Variants in MRPL45 observed in about 807,000 individuals in gnomAD.
MRPL45 encodes the protein mitochondrial ribosomal protein L45.
In MRPL45, 20 loss-of-function variants were observed where a neutral mutation model predicts 38.1. The observed-to-expected ratio is 0.53, with a 90% CI of 0.37 to 0.76. MRPL45 has a LOEUF of 0.76. MRPL45 is among the 30% of genes least tolerant of loss of function. MRPL45 has a pLI of 0.00. For missense variants in MRPL45, 337 were observed against 395.6 expected, an observed-to-expected ratio of 0.85 and a Z score of 1.26; for synonymous variants, 105 against 128.8, an observed-to-expected ratio of 0.82 and a Z score of 1.25.
intron 3 of MRPL45, among the ~76,000 whole-genome samples, chr17:38,305,395 A>G (rs1411328836): frequency 1.4e-5 from 2 of 141,046 alleles, no homozygotes; most frequent in Admixed American, 7.0e-5. Context: ...TGAACCCAGG[A>G]GGCAGAGGTT....
intron 4 of MRPL45, among the ~76,000 whole-genome samples, chr17:38,309,623 A>T (rs1424021310): frequency 0.22 from 1,336 of 6,154 alleles, 17 homozygotes; most frequent in African/African-American, 0.28. Flanking sequence ...TTTTATTTTT[A>T]TTTTTTAGTT....
intron 4 of MRPL45, among the ~76,000 whole-genome samples, chr17:38,310,884 TTGG>T (rs1261308168): frequency 2.6e-5 from 4 of 152,208 alleles, no homozygotes; most frequent in Non-Finnish European, 5.9e-5. Context: ...TCCCAAAGTG[TTGG>T]TACAGTTTTC....
chr17:38,310,174 T>C (rs2037097203), intron 4 of MRPL45, among the ~76,000 whole-genome samples: 1 of 148,890 alleles, frequency 6.7e-6, no homozygotes. Flanking sequence ...GGTAAAATTC[T>C]CCATTCTGTC....
At chr17:38,315,227 G>A (rs2037162064) in intron 4 of MRPL45, among the ~76,000 whole-genome samples, 1 of 152,012 alleles carries the variant, frequency 6.6e-6, no homozygotes, top group South Asian at 2.1e-4. Context: ...ATTTTAGCCT[G>A]AAGGATCCCC....
chr17:38,304,935 C>T (rs1272960753), intron 3 of MRPL45, among the ~76,000 whole-genome samples: 3 of 151,318 alleles, frequency 2.0e-5, no homozygotes, highest in African/African-American at 7.3e-5. Flanking sequence ...CAACCTCTGC[C>T]TCCTGGGTTC....
At chr17:38,308,499 G>A (rs886532609) in intron 4 of MRPL45, among the ~76,000 whole-genome samples, 8 of 151,020 alleles carry the variant, frequency 5.3e-5, no homozygotes, top group Non-Finnish European at 1.0e-4. Flanking sequence ...GGAGTGCAGT[G>A]ACGTGATCTT....
At chr17:38,308,262 C>T (rs989656201) in intron 4 of MRPL45, among the ~76,000 whole-genome samples, 2 of 151,322 alleles carry the variant, frequency 1.3e-5, no homozygotes, top group Non-Finnish European at 2.9e-5. Flanking sequence ...CTGCATGCCA[C>T]CACACCCAGC....
intron 3 of MRPL45, among the ~76,000 whole-genome samples, chr17:38,305,451 A>G (rs1243629750): frequency 7.1e-6 from 1 of 140,928 alleles, no homozygotes; most frequent in African/African-American, 2.7e-5. Context: ...TGTGCGACGG[A>G]GTGCGAGACT....
chr17:38,306,112 T>A (rs2037051110), intron 3 of MRPL45, among the ~76,000 whole-genome samples: 1 of 151,314 alleles, frequency 6.6e-6, no homozygotes, highest in African/African-American at 2.4e-5. Flanking sequence ...CTTGACACAT[T>A]AAAAAATCAA....
rs765978217 is a variant in MRPL45, at chr17:38,320,747, G to A, written c.640G>A (p.Val214Ile). 8.7e-6 allele frequency: 14 copies of A among 1,613,926 alleles called. No homozygotes were observed. The South Asian group carries it at 1.3e-4, about 15-fold the overall frequency. ...GGGCAACGTGTACGGCCAGATCACC[G>A]TACGCATGCACACCCGGCAGGTAGA... Reference protein sequence around the residue: ...NQGNVYGQITVRMHTRQTLAI... With the variant: ...NQGNVYGQITIRMHTRQTLAI... The change falls in exon 6 of 8, where the codon GTA (valine) becomes ATA (isoleucine). Residue 214 changes from valine (V) to isoleucine (I), a missense_variant. Coordinates refer to ENST00000613675, the MANE Select transcript of MRPL45 (RefSeq NM_032351.6).
At position 38,318,410 on chromosome 17, in the gene MRPL45, C is replaced by A. The variant is rs562095250; in HGVS notation, c.462-277C>A. Among the ~76,000 whole-genome samples the A allele has an allele frequency of 7.3e-5, 11 of 151,464 alleles. No individual in the cohort carries two copies. In the South Asian group the frequency reaches 1.9e-3, roughly 26 times the overall value. ...TATATGGTAATTTTAGAGAAATTGC[C>A]TCCTACTCCTTAGATTTAAACATAA... is the stretch of plus-strand genomic sequence containing the variant. On this transcript the variant is annotated intron_variant, in intron 4 of 7. Transcript: ENST00000613675.
intron 4 of MRPL45, among the ~76,000 whole-genome samples, chr17:38,310,136 T>TC (rs1173332051): frequency 1.5e-4 from 22 of 148,924 alleles, no homozygotes; most frequent in African/African-American, 4.6e-4. Context: ...TTTTCTTTTT[T>TC]TTTTTTTTTT....
At chr17:38,311,744 C>T (rs1188824670) in intron 4 of MRPL45, among the ~76,000 whole-genome samples, 8 of 150,772 alleles carry the variant, frequency 5.3e-5, no homozygotes, top group South Asian at 2.1e-4. Context: ...CACCCACTGA[C>T]GACACAGCAA....
At chr17:38,318,371 A>G (rs1202937172) in intron 4 of MRPL45, among the ~76,000 whole-genome samples, 2 of 151,924 alleles carry the variant, frequency 1.3e-5, no homozygotes, top group Admixed American at 1.3e-4. Flanking sequence ...CAGTGAGGGT[A>G]CCCATCTTAA....
chr17:38,320,914 C>T (rs1204348073), intron 6 of MRPL45, 147 bp downstream of exon 6: 1 of 741,788 alleles, frequency 1.3e-6, no homozygotes, highest in Non-Finnish European at 2.2e-6. Flanking sequence ...GCCGCTGTCC[C>T]CTTCCCACTG....
chr17:38,299,221 C>G (rs573002459), intron 2 of MRPL45, 130 bp from the exon 3 acceptor site: 9,986 of 628,204 alleles, frequency 0.016, 662 homozygotes, highest in African/African-American at 0.16. Context: ...ACATAGTTCT[C>G]TCTACATGGA....
In MRPL45 at chr17:38,320,699, C is replaced by T. The variant is rs529303050; in HGVS notation, c.592C>T (p.Arg198Cys). Residue 198 changes from arginine to cysteine, a missense_variant, in exon 6 of 8, where the codon CGC becomes TGC. By Grantham distance (180) the Arg-to-Cys change is radical. Around this residue, in one of 3 missense-constraint regions of MRPL45, gnomAD observed 251 missense variants for 269.1 expected, o/e 0.93. Coordinates refer to ENST00000613675, the MANE Select transcript of MRPL45 (RefSeq NM_032351.6). ...AGAGCCCTCTCATGTTGTTCAAGTTCGCTGTTCAAGTATGATGAACCAGGG... is the reference window on the plus strand; with the variant it reads ...AGAGCCCTCTCATGTTGTTCAAGTTTGCTGTTCAAGTATGATGAACCAGGG... Reference protein sequence around the residue: ...SLEPSHVVQVRCSSMMNQGNV... With the variant: ...SLEPSHVVQVCCSSMMNQGNV... 41 of 1,614,156 alleles carry T rather than the reference C, an allele frequency of 2.5e-5. No individual in the cohort carries two copies. The highest frequency in any genetic ancestry group is 2.5e-4 in the South Asian group (23 of 91,078).
intron 3 of MRPL45, among the ~76,000 whole-genome samples, chr17:38,302,737 T>G (rs2037011415): frequency 6.6e-6 from 1 of 151,868 alleles, no homozygotes; most frequent in South Asian, 2.1e-4. Context: ...TTTCTTCTTT[T>G]TTTTTGAGAT....
intron 4 of MRPL45, among the ~76,000 whole-genome samples, chr17:38,312,330 G>A (rs1160397526): frequency 2.6e-5 from 4 of 152,146 alleles, no homozygotes; most frequent in Non-Finnish European, 5.9e-5. Flanking sequence ...ACAGGTGTGA[G>A]CCACCGTGCC....
Sources: gnomAD v4.1 joint callset for allele counts (sites outside exome capture counted in the v4.1 genomes callset) on GRCh38, gnomAD v4.1.1 for gene constraint, gnomAD v4.1.1 regional missense constraint, MANE v1.5 for transcripts, NCBI Gene and HGNC (gene_info 2026-07-23, HGNC 2026-07-21) for gene names.